MAML3: variants seen among roughly 807,000 people sequenced by gnomAD.
MAML3 encodes mastermind like transcriptional coactivator 3.
Under a neutral mutation model 101.9 loss-of-function variants are expected in MAML3, and 27 were observed. That is an observed-to-expected ratio of 0.27 (90% CI 0.20 to 0.37). The LOEUF is 0.37. Ranked by LOEUF, MAML3 falls within the 10% of genes least tolerant of loss-of-function variation. The probability of loss-of-function intolerance (pLI) is 1.00; values close to 1 mark genes in which losing one functional copy is unlikely to be tolerated. For missense variants in MAML3, 1,316 were observed against 1,444.9 expected (o/e 0.91, Z 1.45); for synonymous variants, 501 against 555.9 (o/e 0.90, Z 1.39).
intron 1 of MAML3, among the ~76,000 whole-genome samples, chr4:139,920,105 A>G (rs1733098345): frequency 1.3e-5 from 2 of 152,234 alleles, no homozygotes; most frequent in Non-Finnish European, 2.9e-5. Flanking sequence ...CATTACAAGC[A>G]CTGTTGTTCA....
At chr4:140,077,167 C>T (rs1208808517) in intron 1 of MAML3, among the ~76,000 whole-genome samples, 2 of 152,180 alleles carry the variant, frequency 1.3e-5, no homozygotes, top group African/African-American at 2.4e-5. Context: ...CAAGCATGAG[C>T]CACCGCACCT....
intron 2 of MAML3, among the ~76,000 whole-genome samples, chr4:139,797,443 A>C (rs1284796330): frequency 6.6e-6 from 1 of 152,154 alleles, no homozygotes; most frequent in African/African-American, 2.4e-5. Flanking sequence ...TTTTTCAACA[A>C]ATCAAAGGCA....
intron 1 of MAML3, among the ~76,000 whole-genome samples, chr4:140,103,119 T>G (rs1347695687): frequency 6.6e-6 from 1 of 152,192 alleles, no homozygotes; most frequent in African/African-American, 2.4e-5. Context: ...TAGAAGTCAT[T>G]GGCAGGGCAC....
chr4:139,810,847 C>A (rs906032986), intron 2 of MAML3, among the ~76,000 whole-genome samples: 1 of 152,184 alleles, frequency 6.6e-6, no homozygotes, highest in Non-Finnish European at 1.5e-5. Context: ...GAGGGATTTT[C>A]CTGCCTCCCT....
At chr4:139,854,410 C>T (rs1213639071) in intron 2 of MAML3, among the ~76,000 whole-genome samples, 1 of 149,482 alleles carries the variant, frequency 6.7e-6, no homozygotes, top group Non-Finnish European at 1.5e-5. Context: ...GCCACTATTA[C>T]AGTCAATTTC....
chr4:140,059,241 C>T (rs1023958601), intron 1 of MAML3, among the ~76,000 whole-genome samples: 3 of 152,186 alleles, frequency 2.0e-5, no homozygotes, highest in Non-Finnish European at 4.4e-5. Context: ...CTCTTTCTTA[C>T]TCATTGTAAT....
At chr4:139,734,056 C>T (rs949209034) in intron 2 of MAML3, among the ~76,000 whole-genome samples, 4 of 152,170 alleles carry the variant, frequency 2.6e-5, no homozygotes, top group Admixed American at 6.5e-5. Context: ...CAAAGCTCTG[C>T]GGCATTCAAC....
intron 1 of MAML3, among the ~76,000 whole-genome samples, chr4:140,122,575 G>A (rs1728623483): frequency 6.6e-6 from 1 of 151,848 alleles, no homozygotes; most frequent in Non-Finnish European, 1.5e-5. Context: ...GGCGGATCAC[G>A]AGGTCAGGAG....
intron 2 of MAML3, among the ~76,000 whole-genome samples, chr4:139,744,477 G>T (rs1209066957): frequency 6.6e-6 from 1 of 152,204 alleles, no homozygotes; most frequent in East Asian, 1.9e-4. Flanking sequence ...TCACTGCATG[G>T]CTAACATGCA....
chr4:140,146,924 A>G (rs369222820), intron 1 of MAML3, among the ~76,000 whole-genome samples: 7 of 151,914 alleles, frequency 4.6e-5, no homozygotes, highest in African/African-American at 1.7e-4. Context: ...TCACAAGGTC[A>G]GGAGATCGAC....
intron 1 of MAML3, among the ~76,000 whole-genome samples, chr4:140,097,781 G>A (rs1728187645): frequency 6.6e-6 from 1 of 152,146 alleles, no homozygotes; most frequent in Admixed American, 6.5e-5. Context: ...GTTCCTTCGT[G>A]GTGACAAGAG....
chr4:140,067,391 G>A (rs1328101601), intron 1 of MAML3, among the ~76,000 whole-genome samples: 1 of 152,180 alleles, frequency 6.6e-6, no homozygotes, highest in Non-Finnish European at 1.5e-5. Flanking sequence ...CTAGAGAAGT[G>A]CTTGGGATAG....
chr4:139,920,556 G>C (rs1215699863), intron 1 of MAML3, among the ~76,000 whole-genome samples: 2 of 152,216 alleles, frequency 1.3e-5, no homozygotes, highest in East Asian at 3.8e-4. Flanking sequence ...ACATTAAGGG[G>C]CCTTTATAAT....
intron 2 of MAML3, among the ~76,000 whole-genome samples, chr4:139,800,563 C>T (rs1730586788): frequency 6.6e-6 from 1 of 152,166 alleles, no homozygotes; most frequent in African/African-American, 2.4e-5. Context: ...AGGAGGAGAA[C>T]AGAGAGCTGC....
At position 139,772,960 on chromosome 4, in the gene MAML3, C is replaced by G. The variant is rs144444066; in HGVS notation, c.2080-42293G>C. Among the ~76,000 whole-genome samples, 121 of 151,434 alleles carry G rather than the reference C, an allele frequency of 8.0e-4. 2 individuals are homozygous for G. In the East Asian group the frequency reaches 0.021, roughly 26 times the overall value. ...AAAGTATCAGTAGAGGGCCCTAACC[C>G]TAAAATAATGTATCACATTTCCTCT... On this transcript the variant is annotated intron_variant, in intron 2 of 4. Transcript: ENST00000509479.
intron 2 of MAML3, among the ~76,000 whole-genome samples, chr4:139,768,961 C>T (rs1431686465): frequency 2.0e-5 from 3 of 152,182 alleles, no homozygotes; most frequent in African/African-American, 4.8e-5. Context: ...GTACATGACT[C>T]TACGGGAATG....
chr4:140,033,875 G>A (rs888890111), intron 1 of MAML3, among the ~76,000 whole-genome samples: 3 of 152,168 alleles, frequency 2.0e-5, no homozygotes, highest in African/African-American at 7.2e-5. Context: ...TTTAAAGTGT[G>A]CATTCTTATT....
chr4:140,152,821 C>A (rs906707829), intron 1 of MAML3, 39 bp downstream of exon 1: 1 of 1,585,910 alleles, frequency 6.3e-7, no homozygotes, highest in Non-Finnish European at 8.6e-7. Context: ...ACCACCACCC[C>A]CAACGCGCGC....
chr4:139,982,680 T>C (rs530622032), intron 1 of MAML3, among the ~76,000 whole-genome samples: 2 of 152,336 alleles, frequency 1.3e-5, no homozygotes, highest in South Asian at 2.1e-4. Context: ...ATCTATAACA[T>C]TGATGTATAT....
Sources: allele counts gnomAD v4.1 joint callset (sites outside exome capture counted in the v4.1 genomes callset), GRCh38; gene constraint gnomAD v4.1.1; transcripts MANE v1.5; gene names NCBI Gene and HGNC (gene_info 2026-07-23, HGNC 2026-07-21).